SPHKAP: variants seen among roughly 807,000 people sequenced by gnomAD.
The protein encoded by SPHKAP is SPHK1 interactor, AKAP domain containing, also known as A-kinase anchor protein SPHKAP.
In SPHKAP, 67 loss-of-function variants were observed where a neutral mutation model predicts 137.5. The observed-to-expected ratio is 0.49, with a 90% CI of 0.40 to 0.60. SPHKAP has a LOEUF of 0.60. Among genes scored for constraint, SPHKAP ranks in the 20% least tolerant of loss-of-function variants. SPHKAP has a pLI of 0.00. For synonymous variants in SPHKAP, 813 were observed against 785.3 expected (o/e 1.04, Z -0.59); for missense variants, 2,097 against 2,069.3 (o/e 1.01, Z -0.26).
intron 1 of SPHKAP, among the ~76,000 whole-genome samples, chr2:228,160,350 C>T (rs1700238494): frequency 6.6e-6 from 1 of 152,174 alleles, no homozygotes. Context: ...AAAGAACTGC[C>T]TGAGACTGGG....
intron 2 of SPHKAP, among the ~76,000 whole-genome samples, chr2:228,127,851 T>A (rs1323378866): frequency 6.6e-6 from 1 of 152,188 alleles, no homozygotes; most frequent in Non-Finnish European, 1.5e-5. Flanking sequence ...GGTTTCCCAA[T>A]GCATATAAAA....
intron 3 of SPHKAP, among the ~76,000 whole-genome samples, chr2:228,074,415 C>T (rs973362136): frequency 3.7e-4 from 56 of 152,142 alleles, no homozygotes; most frequent in African/African-American, 1.1e-3. Flanking sequence ...ACAATTATGG[C>T]GGAAGGTGAA....
At chr2:228,163,577 A>G (rs1368398639) in intron 1 of SPHKAP, among the ~76,000 whole-genome samples, 12 of 152,086 alleles carry the variant, frequency 7.9e-5, no homozygotes, top group African/African-American at 2.9e-4. Flanking sequence ...GAGCAATTGT[A>G]CCTATTTATA....
chr2:228,119,477 T>A (rs201440067), intron 2 of SPHKAP, among the ~76,000 whole-genome samples: 11,030 of 88,374 alleles, frequency 0.12, 473 homozygotes, highest in East Asian at 0.29. Context: ...ACACACTCTC[T>A]CTCTCTCTCT....
rs549741246 is a variant in SPHKAP at position 228,129,667 on chromosome 2, C to T, written c.138+2313G>A. ...TGAGTCAGATTATGTTAAAATTTTA[C>T]ATTCTTATTTGTAAATGTATATATT... is the stretch of plus-strand genomic sequence containing the variant. On this transcript the variant is annotated intron_variant, in intron 2 of 11. Transcript: ENST00000392056. 3.0e-3 allele frequency among the ~76,000 whole-genome samples: 463 copies of T among 151,824 alleles called. 1 individual carries two copies. Among genetic ancestry groups the T allele is most frequent in the Non-Finnish European group, 4.8e-3 (324 of 67,936 alleles).
chr2:228,166,585 T>A (rs13394274), intron 1 of SPHKAP, among the ~76,000 whole-genome samples: 2 of 152,102 alleles, frequency 1.3e-5, no homozygotes, highest in South Asian at 2.1e-4. Context: ...TTGTATCATA[T>A]CTTCTCCTTT....
chr2:228,141,986 C>T (rs147216601), intron 1 of SPHKAP, among the ~76,000 whole-genome samples: 3,140 of 152,158 alleles, frequency 0.021, 46 homozygotes, highest in South Asian at 0.038. Flanking sequence ...CTAGGGATTC[C>T]GGTAGTTATG....
At chr2:228,114,694 T>A (rs1553542798) in intron 2 of SPHKAP, among the ~76,000 whole-genome samples, 1 of 152,164 alleles carries the variant, frequency 6.6e-6, no homozygotes, top group Non-Finnish European at 1.5e-5. Context: ...ATCTGTTTCA[T>A]CGAACATTTT....
chr2:228,171,249 A>G (rs557407184), intron 1 of SPHKAP, among the ~76,000 whole-genome samples: 66 of 152,262 alleles, frequency 4.3e-4, no homozygotes, highest in Non-Finnish European at 1.9e-4. Context: ...ATATCATTTT[A>G]TTCTTGGCTT....
chr2:228,172,946 C>A (rs1700629349), intron 1 of SPHKAP: 2 of 724,054 alleles, frequency 2.8e-6, no homozygotes, highest in African/African-American at 3.9e-5. Context: ...TCAAGAAGAG[C>A]AAGTACAATC....
At chr2:228,138,915 G>GTGAGAA (rs1553547338) in intron 1 of SPHKAP, among the ~76,000 whole-genome samples, 3 of 22,324 alleles carry the variant, frequency 1.3e-4, no homozygotes, top group Non-Finnish European at 3.0e-4. Flanking sequence ...GAAAAGATGG[G>GTGAGAA]CTTTTTGTCT....
chr2:228,004,141 A>G (rs1694029384), intron 7 of SPHKAP, among the ~76,000 whole-genome samples: 1 of 152,212 alleles, frequency 6.6e-6, no homozygotes, highest in Non-Finnish European at 1.5e-5. Flanking sequence ...GATTGGTACC[A>G]GCTCCTCCTT....
chr2:228,104,993 G>A (rs976684173), intron 3 of SPHKAP, among the ~76,000 whole-genome samples: 15 of 152,100 alleles, frequency 9.9e-5, no homozygotes, highest in African/African-American at 3.6e-4. Context: ...TTTTGAAACA[G>A]GGTCACACTC....
At position 227,991,066 on chromosome 2, in the gene SPHKAP, T is replaced by A. The variant is rs775419762; in HGVS notation, c.4893A>T (p.Ile1631=). 3.1e-6 allele frequency: 5 copies of A among 1,614,178 alleles called. No homozygotes were observed. The highest frequency in any genetic ancestry group is 4.2e-6 in the Non-Finnish European group (5 of 1,180,030). ...TGGGAATCCCCAGTTCAGAGGCAGC[T>A]ATCCACTGCAGAGTGGCTCGGAGCT... ...DAELRATLQW[I]AASELGIPTI... is the part of the protein sequence containing the mutation. Residue 1631 remains isoleucine, a synonymous_variant, in exon 11 of 12, where the codon ATA becomes ATT. Coordinates refer to ENST00000392056, the MANE Select transcript of SPHKAP (RefSeq NM_001142644.2).
rs988349413 is a variant in SPHKAP at position 227,981,927 on chromosome 2, A to T, written c.4960-67T>A. 5 of 1,523,786 alleles carry T rather than the reference A, an allele frequency of 3.3e-6. No homozygotes were observed. In the African/African-American group the frequency reaches 5.6e-5, roughly 17 times the overall value. 94.4% of individuals were successfully genotyped at this position (1,523,786 alleles called of 1,614,324 possible). On this transcript the variant is annotated intron_variant, in intron 11 of 11. Transcript: ENST00000392056. ...GTCCTCAAAGCCACCTCATTCAACCACCCTCGCGAAGCCAATGGCTCTCCA... is the reference window on the plus strand; with the variant it reads ...GTCCTCAAAGCCACCTCATTCAACCTCCCTCGCGAAGCCAATGGCTCTCCA...
At chr2:228,126,598 T>C (rs4364016) in intron 2 of SPHKAP, among the ~76,000 whole-genome samples, 152,325 of 152,330 alleles carry the variant, frequency 1, 76,160 homozygotes, top group Middle Eastern at 1. Context: ...AGTTATTTTG[T>C]ATACCAAAGC....
chr2:228,099,137 T>C (rs1192348307), intron 3 of SPHKAP, among the ~76,000 whole-genome samples: 1 of 152,180 alleles, frequency 6.6e-6, no homozygotes, highest in African/African-American at 2.4e-5. Flanking sequence ...ATTTCCTAGG[T>C]TTTCTTCTAG....
intron 3 of SPHKAP, among the ~76,000 whole-genome samples, chr2:228,042,944 GC>G (rs1488352252): frequency 1.1e-4 from 17 of 152,176 alleles, no homozygotes; most frequent in Non-Finnish European, 1.8e-4. Flanking sequence ...TATGGGTGCT[GC>G]CTGTTATCAT....
In SPHKAP at chr2:228,112,951, A is replaced by G. The variant is rs531083459; in HGVS notation, c.139-4012T>C. Among the ~76,000 whole-genome samples the G allele has an allele frequency of 5.6e-4, 85 of 152,304 alleles. 1 individual carries two copies. In the South Asian group the frequency reaches 0.018, roughly 32 times the overall value. ...TTTGACTCTTCCATTTCCCTGGGATACTGTGCATCTTTCCTAAAGCACATC... is the reference window on the plus strand; with the variant it reads ...TTTGACTCTTCCATTTCCCTGGGATGCTGTGCATCTTTCCTAAAGCACATC... On this transcript the variant is annotated intron_variant, in intron 2 of 11. Coordinates refer to ENST00000392056, the MANE Select transcript of SPHKAP (RefSeq NM_001142644.2).
Sources: gnomAD v4.1 joint callset for allele counts (sites outside exome capture counted in the v4.1 genomes callset) on GRCh38, gnomAD v4.1.1 for gene constraint, MANE v1.5 for transcripts, NCBI Gene and HGNC (gene_info 2026-07-23, HGNC 2026-07-21) for gene names.